Variants in NCK2 observed in about 807,000 individuals in gnomAD.
NCK2 encodes the protein cytoplasmic protein NCK2.
A neutral mutation model predicts 33.9 loss-of-function variants in NCK2; 16 were observed. The ratio of observed to expected loss-of-function variants is 0.47; its 90% CI spans 0.32 to 0.72. The LOEUF (loss-of-function observed/expected upper bound fraction) is 0.72, where lower values mean the gene tolerates loss of function less well. Among genes scored for constraint, NCK2 ranks in the 30% least tolerant of loss-of-function variants. The pLI is 0.03. For missense variants in NCK2, 418 were observed against 537.3 expected (o/e 0.78, Z 2.19); for synonymous variants, 273 against 239.9 (o/e 1.14, Z -1.27).
At chr2:105,890,625 A>C (rs1005250047) in intron 4 of NCK2, among the ~76,000 whole-genome samples, 3 of 152,186 alleles carry the variant, frequency 2.0e-5, no homozygotes, top group African/African-American at 7.2e-5. Context: ...TATTTGGTCT[A>C]TTTGAGACAG....
At chr2:105,748,165 C>T (rs1001455896) in intron 1 of NCK2, among the ~76,000 whole-genome samples, 5 of 152,262 alleles carry the variant, frequency 3.3e-5, no homozygotes, top group Middle Eastern at 3.4e-3. Flanking sequence ...TGATGTCATA[C>T]GGTGTCACTG....
chr2:105,815,383 G>A (rs769799123), intron 1 of NCK2, among the ~76,000 whole-genome samples: 9 of 152,098 alleles, frequency 5.9e-5, no homozygotes, highest in Non-Finnish European at 1.3e-4. Context: ...TTTCTATGGG[G>A]TATTTAACAT....
intron 1 of NCK2, among the ~76,000 whole-genome samples, chr2:105,804,316 A>G (rs1674950039): frequency 6.6e-6 from 1 of 152,250 alleles, no homozygotes; most frequent in Non-Finnish European, 1.5e-5. Flanking sequence ...GGATTATCTG[A>G]GAAGACCTGG....
intron 3 of NCK2, among the ~76,000 whole-genome samples, chr2:105,879,066 A>G (rs116444924): frequency 0.012 from 1,828 of 152,332 alleles, 39 homozygotes; most frequent in African/African-American, 0.042. Flanking sequence ...GATGGCCACT[A>G]TCAAATGTCT....
At chr2:105,777,827 C>T (rs1172134471) in intron 1 of NCK2, among the ~76,000 whole-genome samples, 1 of 152,110 alleles carries the variant, frequency 6.6e-6, no homozygotes, top group Non-Finnish European at 1.5e-5. Flanking sequence ...TTGAAAATGC[C>T]GAGCTCCCTT....
At chr2:105,800,739 C>T (rs1226905418) in intron 1 of NCK2, among the ~76,000 whole-genome samples, 3 of 152,052 alleles carry the variant, frequency 2.0e-5, no homozygotes, top group East Asian at 1.9e-4. Flanking sequence ...CTGTCATGAA[C>T]GTCTGTGTTT....
chr2:105,784,032 C>T (rs1690588683), intron 1 of NCK2, among the ~76,000 whole-genome samples: 1 of 152,226 alleles, frequency 6.6e-6, no homozygotes, highest in South Asian at 2.1e-4. Context: ...CCTTCTGTGG[C>T]ACCTGGTTGG....
rs73946287 is a variant in NCK2, at chr2:105,749,002, G to A, written c.-201+3864G>A. On this transcript the variant is annotated intron_variant, in intron 1 of 4. Transcript: ENST00000233154. ...ATTTGGTCTGTTGGCCTCTCTATTT[G>A]GCAAATTTTCTGTCATGTGAGTCAT... Among the ~76,000 whole-genome samples, 1,414 of 152,168 alleles carry A rather than the reference G, an allele frequency of 9.3e-3. 23 individuals carry two copies. The highest frequency in any genetic ancestry group is 0.032 in the African/African-American group (1,348 of 41,488).
Position 105,892,863 on chromosome 2 carries a change from C to G in NCK2, c.949-119C>G, listed in dbSNP as rs573564179. On this transcript the variant is annotated intron_variant, in intron 4 of 4. Transcript: ENST00000233154. ...TCCATCTCAAAAAAAAAAAAAAAAG[C>G]AGAGACCCAGTGTTTGAGCAATGGG... The G allele has an allele frequency of 1.1e-4, 75 of 654,912 alleles. No individual in the cohort carries two copies. The African/African-American group carries it at 1.2e-3, about 10-fold the overall frequency. The allele number at this position is 654,912 out of a possible 1,614,324, so 40.6% of individuals were successfully genotyped here.
At chr2:105,762,687 A>G (rs1253152731) in intron 1 of NCK2, among the ~76,000 whole-genome samples, 1 of 152,220 alleles carries the variant, frequency 6.6e-6, no homozygotes, top group Non-Finnish European at 1.5e-5. Flanking sequence ...AGAAATGGTC[A>G]CTATTTTCCT....
At chr2:105,867,882 A>G (rs1414562482) in intron 3 of NCK2, among the ~76,000 whole-genome samples, 1 of 152,266 alleles carries the variant, frequency 6.6e-6, no homozygotes, top group Non-Finnish European at 1.5e-5. Context: ...AACGTGAACC[A>G]AATATGCCAG....
At chr2:105,879,146 G>A (rs534237045) in intron 3 of NCK2, among the ~76,000 whole-genome samples, 4 of 152,090 alleles carry the variant, frequency 2.6e-5, no homozygotes, top group Admixed American at 6.5e-5. Flanking sequence ...TTCCACAGGC[G>A]TTTTTTCTCA....
At chr2:105,797,757 T>C (rs2104440001) in intron 1 of NCK2, among the ~76,000 whole-genome samples, 1 of 152,332 alleles carries the variant, frequency 6.6e-6, no homozygotes, top group African/African-American at 2.4e-5. Context: ...ACACCTGATG[T>C]TGTGGCCTCC....
chr2:105,799,937 T>G (rs1674759876), intron 1 of NCK2, among the ~76,000 whole-genome samples: 1 of 152,186 alleles, frequency 6.6e-6, no homozygotes, highest in Non-Finnish European at 1.5e-5. Context: ...AAACACTACA[T>G]TTTGCAAAGT....
intron 2 of NCK2, among the ~76,000 whole-genome samples, chr2:105,820,425 G>A (rs766423706): frequency 6.6e-6 from 1 of 152,224 alleles, no homozygotes; most frequent in Non-Finnish European, 1.5e-5. Flanking sequence ...CGTGCCTGGG[G>A]CTGGGCTGAG....
chr2:105,805,448 GAAT>G (rs1052319516), intron 1 of NCK2, among the ~76,000 whole-genome samples: 17 of 152,016 alleles, frequency 1.1e-4, no homozygotes, highest in East Asian at 1.9e-4. Context: ...TATTTAATTG[GAAT>G]AATAATAAAT....
chr2:105,783,575 G>C (rs903537616), intron 1 of NCK2, among the ~76,000 whole-genome samples: 1 of 152,194 alleles, frequency 6.6e-6, no homozygotes, highest in Non-Finnish European at 1.5e-5. Flanking sequence ...GCAGTTACTA[G>C]GAAGGCAGCC....
chr2:105,836,927 G>C (rs1676457728), intron 2 of NCK2, among the ~76,000 whole-genome samples: 1 of 152,198 alleles, frequency 6.6e-6, no homozygotes, highest in South Asian at 2.1e-4. Context: ...ATGGATGCCA[G>C]GTACCTCCCT....
At chr2:105,830,693 G>GTGTGTGTGTGTGTGTGTGTGTGTA (rs1676146680) in intron 2 of NCK2, among the ~76,000 whole-genome samples, 53 of 148,040 alleles carry the variant, frequency 3.6e-4, no homozygotes, top group African/African-American at 1.2e-3. Flanking sequence ...GTGTGTGTGT[G>GTGTGTGTGTGTGTGTGTGTGTGTA]TGTGTGTGTG....
Sources: gnomAD v4.1 joint callset for allele counts (sites outside exome capture counted in the v4.1 genomes callset) on GRCh38, gnomAD v4.1.1 for gene constraint, MANE v1.5 for transcripts, NCBI Gene and HGNC (gene_info 2026-07-23, HGNC 2026-07-21) for gene names.